Variants in NPAS2 observed in about 807,000 individuals in gnomAD.
The protein encoded by NPAS2 is neuronal PAS domain protein 2.
A neutral mutation model predicts 107.5 loss-of-function variants in NPAS2; 23 were observed. The observed-to-expected ratio is 0.21, with a 90% CI of 0.15 to 0.30. The LOEUF (loss-of-function observed/expected upper bound fraction) is 0.30. NPAS2 is among the 10% of genes least tolerant of loss of function. The probability of loss-of-function intolerance (pLI) is 1.00; values close to 1 mark genes in which losing one functional copy is unlikely to be tolerated. For synonymous variants in NPAS2, 403 were observed against 417.5 expected (o/e 0.97, Z 0.42); for missense variants, 756 against 1,043.3 (o/e 0.72, Z 3.79).
At chr2:100,886,549 C>T (rs996187492) in intron 1 of NPAS2, among the ~76,000 whole-genome samples, 6 of 152,164 alleles carry the variant, frequency 3.9e-5, no homozygotes, top group African/African-American at 1.4e-4. Context: ...TGCTGTCCCA[C>T]ATTCTAGCTG....
intron 11 of NPAS2, among the ~76,000 whole-genome samples, chr2:100,969,494 G>A (rs186705631): frequency 3.9e-5 from 6 of 152,146 alleles, no homozygotes; most frequent in African/African-American, 9.6e-5. Flanking sequence ...GAGGATGATG[G>A]CTTCCAGCTT....
In NPAS2 at chr2:100,948,148, CGTT is replaced by C. The variant is rs138874856; in HGVS notation, c.364-81_364-79del. On this transcript the variant is annotated intron_variant, in intron 5 of 20. Coordinates refer to ENST00000335681, the MANE Select transcript of NPAS2 (RefSeq NM_002518.4). ...CTTTCCATTTCAGAAACCAGTTCTG[CGTT>C]GTTGTGAATGTTCAATTTTTGTTTT... 637 of 1,442,324 alleles carry C rather than the reference CGTT, an allele frequency of 4.4e-4. 1 individual carries two copies. In the African/African-American group the frequency reaches 8.0e-3, roughly 18 times the overall value. The allele number at this position is 1,442,324 out of a possible 1,614,324, so 89.3% of individuals were successfully genotyped here.
At position 100,907,464 on chromosome 2, in the gene NPAS2, C is replaced by T. The variant is rs184367281; in HGVS notation, c.32+2678C>T. Among the ~76,000 whole-genome samples the T allele has an allele frequency of 6.7e-5, 10 of 148,604 alleles. No homozygotes were observed. In the South Asian group the frequency reaches 1.7e-3, roughly 25 times the overall value. On this transcript the variant is annotated intron_variant, in intron 2 of 20. Coordinates refer to ENST00000335681, the MANE Select transcript of NPAS2 (RefSeq NM_002518.4). ...TGGTGGTACCCAGAAATAGCAAGGA[C>T]GCAGTACCCCTCCTAACACTTGGGA... is the stretch of plus-strand genomic sequence containing the variant.
intron 1 of NPAS2, among the ~76,000 whole-genome samples, chr2:100,832,422 C>G (rs1474259536): frequency 6.6e-6 from 1 of 152,226 alleles, no homozygotes; most frequent in African/African-American, 2.4e-5. Context: ...CAGCCAAGGC[C>G]TGCTGCTATT....
At chr2:100,854,904 G>A (rs189072903) in intron 1 of NPAS2, among the ~76,000 whole-genome samples, 2 of 152,298 alleles carry the variant, frequency 1.3e-5, no homozygotes, top group African/African-American at 2.4e-5. Flanking sequence ...ACCCTGAAAC[G>A]CTGTGTGAGA....
intron 7 of NPAS2, among the ~76,000 whole-genome samples, chr2:100,954,392 C>G (rs1171379265): frequency 6.6e-6 from 1 of 152,172 alleles, no homozygotes; most frequent in East Asian, 1.9e-4. Context: ...GGGCCAGGCA[C>G]GGTGGCTCAC....
chr2:100,890,376 T>C (rs971773418), intron 1 of NPAS2, among the ~76,000 whole-genome samples: 1 of 152,100 alleles, frequency 6.6e-6, no homozygotes, highest in African/African-American at 2.4e-5. Flanking sequence ...CTTAGTAACG[T>C]TGATCTCCTT....
At chr2:100,925,374 G>A in intron 3 of NPAS2, 80 bp downstream of exon 3, 1 of 1,512,398 alleles carries the variant, frequency 6.6e-7, no homozygotes, top group Non-Finnish European at 9.0e-7. Flanking sequence ...TGGGCTGCCT[G>A]GTTGGTTTTG....
chr2:100,854,166 A>G (rs1678409854), intron 1 of NPAS2, among the ~76,000 whole-genome samples: 1 of 150,474 alleles, frequency 6.6e-6, no homozygotes, highest in African/African-American at 2.4e-5. Context: ...AACAAAAAAA[A>G]AAAAAAAAAA....
At position 100,945,168 on chromosome 2, in the gene NPAS2, T is replaced by C. The variant is rs369448933; in HGVS notation, c.364-3067T>C. Among the ~76,000 whole-genome samples the C allele has an allele frequency of 2.0e-5, 3 of 152,100 alleles. No homozygotes were observed. The East Asian group carries it at 5.8e-4, about 29-fold the overall frequency. On this transcript the variant is annotated intron_variant, in intron 5 of 20. Transcript: ENST00000335681. ...CCTGGTAGAGTTTCGTCCATAAAGATAAAGACCGGTGCGTCCGAGCCAGAG... is the reference window on the plus strand; with the variant it reads ...CCTGGTAGAGTTTCGTCCATAAAGACAAAGACCGGTGCGTCCGAGCCAGAG...
At position 100,965,817 on chromosome 2, in the gene NPAS2, G is replaced by T. The variant is rs1375174391; in HGVS notation, c.907+51G>T. ...ATGGGGGCCTTGCGTTCACTCCACT[G>T]GGGCCCAGCAGCAGGGCTCTGGGAC... On this transcript the variant is annotated intron_variant, in intron 10 of 20. Transcript: ENST00000335681. This position sits in a 1 kb window ranked among gnomAD's most constrained non-coding sequence, Gnocchi z 4.3. 8.4e-7 allele frequency: 1 copy of T among 1,192,860 alleles called. No homozygotes were observed. Among genetic ancestry groups the T allele is most frequent in the African/African-American group, 1.5e-5 (1 of 66,014 alleles). The allele number at this position is 1,192,860 out of a possible 1,614,324, so 73.9% of individuals were successfully genotyped here.
At chr2:100,937,166 T>C (rs549459944) in intron 4 of NPAS2, among the ~76,000 whole-genome samples, 1 of 152,164 alleles carries the variant, frequency 6.6e-6, no homozygotes, top group South Asian at 2.1e-4. Context: ...TCCAGTTGAG[T>C]TACGCAACCC....
intron 1 of NPAS2, among the ~76,000 whole-genome samples, chr2:100,888,871 G>T (rs1680875226): frequency 6.6e-6 from 1 of 152,170 alleles, no homozygotes; most frequent in African/African-American, 2.4e-5. Flanking sequence ...TTTGGAGGAG[G>T]AATCGGGCCA....
chr2:100,986,959 C>G (rs1372108902), intron 16 of NPAS2: 1 of 152,204 alleles, frequency 6.6e-6, no homozygotes, highest in Admixed American at 6.5e-5. Flanking sequence ...ATTTTTAAGA[C>G]AGAGTCTCAC....
intron 7 of NPAS2, among the ~76,000 whole-genome samples, chr2:100,956,785 T>C (rs994749090): frequency 2.0e-4 from 31 of 152,194 alleles, no homozygotes; most frequent in African/African-American, 6.0e-4. Context: ...GAGGATCCCA[T>C]CTTGTTGTCT....
chr2:100,871,601 G>C (rs533505090), intron 1 of NPAS2, among the ~76,000 whole-genome samples: 2 of 152,184 alleles, frequency 1.3e-5, no homozygotes, highest in South Asian at 4.1e-4. Flanking sequence ...AAAGTGCTAG[G>C]ATTACGGATG....
rs1023847262 is a variant in NPAS2, at chr2:100,836,615, G to A, written c.-23+16201G>A. Among the ~76,000 whole-genome samples, 8 of 152,166 alleles carry A rather than the reference G, an allele frequency of 5.3e-5. No individual in the cohort carries two copies. In the East Asian group the frequency reaches 1.2e-3, roughly 22 times the overall value. On this transcript the variant is annotated intron_variant, in intron 1 of 20. Coordinates refer to ENST00000335681, the MANE Select transcript of NPAS2 (RefSeq NM_002518.4). ...AGTTAACGATTCAAGGGGTGCCTCC[G>A]AGTTCCCATTGTGCAGGTCAGGGGT...
chr2:100,925,340 C>T lies in NPAS2; in HGVS notation c.181+46C>T, dbSNP rs370494180. On this transcript the variant is annotated intron_variant, in intron 3 of 20. Transcript: ENST00000335681. ...TGTTTTTTTTCCACCCTGCCCCGTC[C>T]ATGTGGTGATGACTTCACCAATCTG... 2.5e-6 allele frequency: 4 copies of T among 1,593,564 alleles called. No individual in the cohort carries two copies. In the African/African-American group the frequency reaches 5.4e-5, roughly 21 times the overall value.
intron 1 of NPAS2, among the ~76,000 whole-genome samples, chr2:100,872,917 C>T (rs1255689762): frequency 6.6e-6 from 1 of 152,158 alleles, no homozygotes; most frequent in Non-Finnish European, 1.5e-5. Context: ...TGTCATTCAT[C>T]TGCATATCTA....
Sources: allele counts gnomAD v4.1 joint callset (sites outside exome capture counted in the v4.1 genomes callset), GRCh38; gene constraint gnomAD v4.1.1; non-coding constraint Gnocchi (gnomAD v3.1); transcripts MANE v1.5; gene names NCBI Gene and HGNC (gene_info 2026-07-23, HGNC 2026-07-21).